ERAP1: variants seen among roughly 807,000 people sequenced by gnomAD.
ERAP1 encodes endoplasmic reticulum aminopeptidase 1.
Under a neutral mutation model 103.7 loss-of-function variants are expected in ERAP1, and 86 were observed. The observed-to-expected ratio is 0.83, with a 90% CI of 0.70 to 0.99. The LOEUF is 0.99. Among genes scored for constraint, ERAP1 ranks in the 50% least tolerant of loss-of-function variants. The pLI is 0.00. For synonymous variants in ERAP1, 398 were observed against 402.4 expected, an observed-to-expected ratio of 0.99 and a Z score of 0.13; for missense variants, 1,009 against 1,128.4, an observed-to-expected ratio of 0.89 and a Z score of 1.52.
the ERAP1 span, among the ~76,000 whole-genome samples, chr5:96,866,976 C>G: frequency 6.6e-6 from 1 of 151,602 alleles, no homozygotes; most frequent in Non-Finnish European, 1.5e-5. Context: ...CTCTGCCTGC[C>G]TCACTTCCCT....
At chr5:96,866,656 G>T in the ERAP1 span, among the ~76,000 whole-genome samples, 1 of 152,140 alleles carries the variant, frequency 6.6e-6, no homozygotes, top group Non-Finnish European at 1.5e-5. Context: ...AAACTTGGGA[G>T]ACATCACAAG....
chr5:96,831,255 A>G, the ERAP1 span, among the ~76,000 whole-genome samples: 1 of 152,056 alleles, frequency 6.6e-6, no homozygotes, highest in African/African-American at 2.4e-5. Flanking sequence ...CTCACAATTC[A>G]CTCACTCACT....
chr5:96,844,526 C>T, the ERAP1 span, among the ~76,000 whole-genome samples: 70 of 152,298 alleles, frequency 4.6e-4, 1 homozygote, highest in African/African-American at 1.6e-3. Context: ...TATGGTCGCT[C>T]GTTAATGAAT....
intron 4 of ERAP1, among the ~76,000 whole-genome samples, chr5:96,796,891 C>T (rs1268212332): frequency 6.6e-6 from 1 of 152,160 alleles, no homozygotes; most frequent in Non-Finnish European, 1.5e-5. Flanking sequence ...CTCCTGGGCT[C>T]AAGGGATCCT....
At chr5:96,800,170 G>A (rs1777825959) in intron 3 of ERAP1, among the ~76,000 whole-genome samples, 1 of 152,210 alleles carries the variant, frequency 6.6e-6, no homozygotes, top group Non-Finnish European at 1.5e-5. Context: ...CCCAGCTGAT[G>A]CTTTTCTAAA....
At chr5:96,838,214 A>G in the ERAP1 span, among the ~76,000 whole-genome samples, 5 of 152,134 alleles carry the variant, frequency 3.3e-5, no homozygotes, top group South Asian at 2.1e-4. Flanking sequence ...TCCTGTCCCT[A>G]TCATTAATAA....
intron 3 of ERAP1, among the ~76,000 whole-genome samples, chr5:96,799,993 T>C (rs942756729): frequency 2.0e-5 from 3 of 152,156 alleles, no homozygotes; most frequent in African/African-American, 7.2e-5. Context: ...GCTCTCAGTA[T>C]CTCTCCATGT....
At chr5:96,878,615 GA>G in the ERAP1 span, among the ~76,000 whole-genome samples, 1 of 151,442 alleles carries the variant, frequency 6.6e-6, no homozygotes, top group East Asian at 1.9e-4. Flanking sequence ...GCAACATGGT[GA>G]CACATTGTCT....
the ERAP1 span, among the ~76,000 whole-genome samples, chr5:96,884,529 AATT>A: frequency 6.6e-6 from 1 of 150,418 alleles, no homozygotes; most frequent in African/African-American, 2.5e-5. Flanking sequence ...TATTTATGAA[AATT>A]ATTAATTGTG....
At chr5:96,818,754 T>C in the ERAP1 span, among the ~76,000 whole-genome samples, 65 of 152,236 alleles carry the variant, frequency 4.3e-4, no homozygotes, top group Non-Finnish European at 8.5e-4. Flanking sequence ...CAAACCACAG[T>C]CTCAATCTTA....
At chr5:96,902,430 A>G in the ERAP1 span, 1 of 849,830 alleles carries the variant, frequency 1.2e-6, no homozygotes, top group Non-Finnish European at 2.0e-6. Flanking sequence ...GGAACGATAC[A>G]ATAAGTAAAT....
chr5:96,785,699 A>G (rs759389268), intron 13 of ERAP1, 89 bp downstream of exon 13: 18 of 1,396,712 alleles, frequency 1.3e-5, no homozygotes, highest in East Asian at 2.4e-5. Context: ...CTTGTTATCA[A>G]TCAATCATTT....
chr5:96,773,000 T>C (rs1312126586), downstream of ERAP1: 1 of 153,934 alleles, frequency 6.5e-6, no homozygotes, highest in Non-Finnish European at 1.5e-5. Flanking sequence ...ATTTGTATTT[T>C]CAGTTTGCCC....
chr5:96,831,049 G>A, the ERAP1 span, among the ~76,000 whole-genome samples: 2 of 152,120 alleles, frequency 1.3e-5, no homozygotes, highest in African/African-American at 4.8e-5. Flanking sequence ...CTTGAGACTG[G>A]GTATTTATAA....
At chr5:96,816,396 G>A in the ERAP1 span, among the ~76,000 whole-genome samples, 3 of 152,168 alleles carry the variant, frequency 2.0e-5, no homozygotes, top group Non-Finnish European at 4.4e-5. Flanking sequence ...AAGGAACAAT[G>A]TTCACAGGAA....
intron 1 of ERAP1, 99 bp from the exon 2 acceptor site, chr5:96,804,042 G>T: frequency 7.4e-7 from 1 of 1,348,464 alleles, no homozygotes; most frequent in South Asian, 1.2e-5. Flanking sequence ...CACAGAAATA[G>T]GCATAAACTT....
At position 96,793,904 on chromosome 5, in the gene ERAP1, T is replaced by A. The variant is rs544240020; in HGVS notation, c.973A>T (p.Thr325Ser). 6.2e-7 allele frequency: 1 copy of A among 1,614,178 alleles called. No individual in the cohort carries two copies. Among genetic ancestry groups the A allele is most frequent in the African/African-American group, 1.3e-5 (1 of 75,066 alleles). The change falls in exon 6 of 19, where the codon ACA becomes TCA. Residue 325 changes from threonine to serine, a missense_variant. By Grantham distance (58) the Thr-to-Ser change is moderately conservative. Coordinates refer to ENST00000443439, the MANE Select transcript of ERAP1 (RefSeq NM_001040458.3). ...AACAGAGCAGATTCTCTATATGTTG[T>A]CAGTCCCCAGTTTTCCATAGCACCA... ...QSGAMENWGLTTYRESALLFD... is the reference protein window; with the variant it reads ...QSGAMENWGLSTYRESALLFD...
Position 96,775,011 on chromosome 5 carries a change from G to A in ERAP1, c.*1385C>T, listed in dbSNP as rs552755308. The A allele has an allele frequency of 7.1e-6, 7 of 985,410 alleles. No individual in the cohort carries two copies. Among genetic ancestry groups the A allele is most frequent in the African/African-American group, 3.5e-5 (2 of 57,296 alleles). The allele number at this position is 985,410 out of a possible 1,614,324, so 61.0% of individuals were successfully genotyped here. On this transcript the variant is annotated 3_prime_UTR_variant, in exon 19 of 19. Transcript: ENST00000443439. ...TCCTTTGCCAGGTGTGAGGATTTCC[G>A]CACCTTAGAGTCAGCGCAAAACACG...
intron 11 of ERAP1, among the ~76,000 whole-genome samples, chr5:96,787,687 T>C (rs1426952486): frequency 6.6e-6 from 1 of 152,110 alleles, no homozygotes; most frequent in African/African-American, 2.4e-5. Flanking sequence ...TACAGACATA[T>C]GTATATAGGT....
Sources: allele counts gnomAD v4.1 joint callset (sites outside exome capture counted in the v4.1 genomes callset), GRCh38; gene constraint gnomAD v4.1.1; transcripts MANE v1.5; gene names NCBI Gene and HGNC (gene_info 2026-07-23, HGNC 2026-07-21).